PHLDB1: variants seen among roughly 807,000 people sequenced by gnomAD.
PHLDB1 encodes pleckstrin homology-like domain family B member 1.
PHLDB1 carries 65 observed loss-of-function variants against 139.3 expected under a neutral mutation model. The ratio of observed to expected loss-of-function variants is 0.47; its 90% CI spans 0.38 to 0.57. PHLDB1 has a LOEUF of 0.57. PHLDB1 is among the 20% of genes least tolerant of loss of function. PHLDB1 has a pLI of 0.00. For missense variants in PHLDB1, 1,624 were observed against 1,839.7 expected (o/e 0.88, Z 2.14); for synonymous variants, 679 against 734.5 (o/e 0.92, Z 1.22).
intron 4 of PHLDB1, among the ~76,000 whole-genome samples, chr11:118,622,488 C>A (rs143166007): frequency 6.6e-6 from 1 of 152,232 alleles, no homozygotes; most frequent in African/African-American, 2.4e-5. Context: ...TGGCCACACC[C>A]CCTTATGCCG....
chr11:118,617,088 C>T (rs1555090370), intron 4 of PHLDB1, among the ~76,000 whole-genome samples: 1 of 151,918 alleles, frequency 6.6e-6, no homozygotes, highest in African/African-American at 2.4e-5. Flanking sequence ...AAAACTAGGC[C>T]CATAATTACT....
chr11:118,614,682 G>C lies in PHLDB1; in HGVS notation c.184G>C (p.Gly62Arg). 1 of 1,613,612 alleles carries C rather than the reference G, an allele frequency of 6.2e-7. No individual in the cohort carries two copies. The highest frequency in any genetic ancestry group is 8.5e-7 in the Non-Finnish European group (1 of 1,179,734). ...CATCACCCTCCTGCCGCTGGAGGAA[G>C]GTAAGTGTGAACAGGGCATCTCACT... ...TAITLLPLEE[G>R]RTVIGSAARD... Residue 62 changes from glycine to arginine, a missense_variant and splice_region_variant, in exon 3 of 23, where the codon GGG (glycine) becomes CGG (arginine). Transcript: ENST00000600882.
chr11:118,607,689 C>G lies in PHLDB1; in HGVS notation c.-32C>G, dbSNP rs4938515. On this transcript the variant is annotated 5_prime_UTR_variant, in exon 1 of 23. Transcript: ENST00000600882. ...GGGACCAGTGTCTCCCTGCCCCCCC[C>G]CCACCTCTAGGTAAGAGCGCCCCGT... 2.9e-4 allele frequency: 43 copies of G among 149,622 alleles called. No individual in the cohort carries two copies. The highest frequency in any genetic ancestry group is 9.4e-4 in the African/African-American group (38 of 40,304). 9.3% of individuals were successfully genotyped at this position (149,622 alleles called of 1,614,324 possible).
At chr11:118,609,560 C>CG (rs1326364860) in intron 1 of PHLDB1, among the ~76,000 whole-genome samples, 3 of 151,272 alleles carry the variant, frequency 2.0e-5, no homozygotes, top group Non-Finnish European at 3.0e-5. Context: ...CAGCTCACAC[C>CG]GCAGCCCCAG....
intron 1 of PHLDB1, among the ~76,000 whole-genome samples, chr11:118,612,004 G>T (rs2135687638): frequency 6.7e-6 from 1 of 148,780 alleles, no homozygotes; most frequent in African/African-American, 2.5e-5. Context: ...AAGATTTTTA[G>T]TATATTTACA....
At chr11:118,655,319 A>C in intron 20 of PHLDB1, 2 of 271,292 alleles carry the variant, frequency 7.4e-6, no homozygotes, top group South Asian at 1.3e-4. Context: ...TTCACCATAG[A>C]CTTGCCAAAA....
In PHLDB1 at chr11:118,650,221, C is replaced by CT. The variant is rs1948153766; in HGVS notation, c.3771+29dup. The CT allele has an allele frequency of 2.6e-6, 4 of 1,540,236 alleles. No individual in the cohort carries two copies. The highest frequency in any genetic ancestry group is 3.6e-6 in the Non-Finnish European group (4 of 1,112,708). ...ACAAGGCGTGTGTGGCCCTGGGGTGCTGGGGAGAGGGAGAATCCCGTGGTG... is the reference window on the plus strand; with the variant it reads ...ACAAGGCGTGTGTGGCCCTGGGGTGCTTGGGGAGAGGGAGAATCCCGTGGTG... On this transcript the variant is annotated intron_variant, in intron 19 of 22. Coordinates refer to ENST00000600882, the MANE Select transcript of PHLDB1 (RefSeq NM_001144758.3). The surrounding 1 kb of genome is among the most constrained non-coding windows in gnomAD (Gnocchi z 4.7).
At position 118,628,304 on chromosome 11, in the gene PHLDB1, G is replaced by A. The variant is rs375241989; in HGVS notation, c.1481G>A (p.Arg494His). 88 of 1,613,728 alleles carry A rather than the reference G, an allele frequency of 5.5e-5. No homozygotes were observed. The highest frequency in any genetic ancestry group is 7.1e-5 in the Non-Finnish European group (84 of 1,179,938). The change falls in exon 6 of 23, where the codon CGC (arginine) becomes CAC (histidine). Residue 494 changes from arginine to histidine, a missense_variant. Transcript: ENST00000600882. ...REVAESPRPR[R>H]WAAHGASPED... Reference sequence around the variant, plus strand: ...GTGGCAGAGAGTCCTCGGCCCCGGCGCTGGGCAGCCCATGGGGCTTCACCA... The same window carrying A: ...GTGGCAGAGAGTCCTCGGCCCCGGCACTGGGCAGCCCATGGGGCTTCACCA...
In PHLDB1 at chr11:118,635,381, C is replaced by G; in HGVS notation, c.2380-12C>G. On this transcript the variant is annotated splice_polypyrimidine_tract_variant and intron_variant, in intron 9 of 22. Transcript: ENST00000600882. ...AAGCACCACCCAACCCCCTTTGTCA[C>G]TGTCGTTGAAGGAGGCAGAGGCCCT... 1 of 1,566,960 alleles carries G rather than the reference C, an allele frequency of 6.4e-7. No individual in the cohort carries two copies. Among genetic ancestry groups the G allele is most frequent in the South Asian group, 1.2e-5 (1 of 81,726 alleles).
intron 13 of PHLDB1, 200 bp from the exon 14 acceptor site, chr11:118,643,600 A>C: frequency 1.0e-6 from 1 of 985,336 alleles, no homozygotes; most frequent in Non-Finnish European, 1.2e-6. Flanking sequence ...TGGCCCAGGG[A>C]GGAACAGCCT....
At chr11:118,613,951 T>C in intron 2 of PHLDB1, 55 bp downstream of exon 2, 1 of 1,124,354 alleles carries the variant, frequency 8.9e-7, no homozygotes, top group Non-Finnish European at 1.3e-6. Context: ...TGGGATCAGC[T>C]CTTCTACCCC....
At chr11:118,655,473 T>C (rs1948910579) in intron 20 of PHLDB1, 132 bp from the exon 21 acceptor site, 1 of 656,714 alleles carries the variant, frequency 1.5e-6, no homozygotes, top group Admixed American at 2.4e-5. Context: ...TGGGTTCTGT[T>C]TGGGGGTCTT....
At chr11:118,607,558 G>T (rs1555079969), upstream of PHLDB1, 2 of 140,180 alleles carry the variant, frequency 1.4e-5, no homozygotes, top group African/African-American at 5.1e-5. Context: ...ACTGGCGGGA[G>T]GGGGGCGGGA....
intron 10 of PHLDB1, chr11:118,636,521 GGT>G (rs1409267766): frequency 1.3e-5 from 2 of 151,954 alleles, no homozygotes. Context: ...TAAGCACATG[GGT>G]GTGTGTCAGG....
intron 12 of PHLDB1, chr11:118,641,563 C>T (rs1339165335): frequency 8.7e-7 from 1 of 1,146,666 alleles, no homozygotes; most frequent in Non-Finnish European, 1.1e-6. Flanking sequence ...CTCATGTGTT[C>T]TGGTTCCATT....
At chr11:118,619,973 GA>G (rs369144995) in intron 4 of PHLDB1, among the ~76,000 whole-genome samples, 17 of 152,362 alleles carry the variant, frequency 1.1e-4, no homozygotes, top group African/African-American at 3.8e-4. Context: ...AGGTGTGTGA[GA>G]GACAGTGTGT....
intron 1 of PHLDB1, chr11:118,613,475 G>C (rs1565388757): frequency 9.9e-7 from 1 of 1,005,984 alleles, no homozygotes; most frequent in Non-Finnish European, 1.2e-6. Flanking sequence ...CCCTGCTTAA[G>C]GCTCCACAGG....
Position 118,631,904 on chromosome 11 carries a change from C to A in PHLDB1, c.2101-9C>A. Reference sequence around the variant, plus strand: ...GGCTTCCTCAGTTGATAGCTTCCCTCCCCTCCAGCACGAAGATGCACCTAG... The same window carrying A: ...GGCTTCCTCAGTTGATAGCTTCCCTACCCTCCAGCACGAAGATGCACCTAG... On this transcript the variant is annotated splice_polypyrimidine_tract_variant and intron_variant, in intron 7 of 22. Coordinates refer to ENST00000600882, the MANE Select transcript of PHLDB1 (RefSeq NM_001144758.3). 1 of 1,601,730 alleles carries A rather than the reference C, an allele frequency of 6.2e-7. No individual in the cohort carries two copies. Among genetic ancestry groups the A allele is most frequent in the South Asian group, 1.1e-5 (1 of 88,950 alleles).
At chr11:118,642,136 T>G in intron 12 of PHLDB1, 118 bp from the exon 13 acceptor site, 1 of 962,128 alleles carries the variant, frequency 1.0e-6, no homozygotes, top group Non-Finnish European at 1.6e-6. Context: ...TCCCCTTCCT[T>G]CTTCCTCTTC....
Sources: allele counts gnomAD v4.1 joint callset (sites outside exome capture counted in the v4.1 genomes callset), GRCh38; gene constraint gnomAD v4.1.1; non-coding constraint Gnocchi (gnomAD v3.1); transcripts MANE v1.5; gene names NCBI Gene and HGNC (gene_info 2026-07-23, HGNC 2026-07-21).